MSI2: variants seen among roughly 807,000 people sequenced by gnomAD.
MSI2 encodes RNA-binding protein Musashi homolog 2.
Under a neutral mutation model 45.6 loss-of-function variants are expected in MSI2, and 17 were observed. The observed-to-expected ratio is 0.37, with a 90% CI of 0.26 to 0.56. The LOEUF (loss-of-function observed/expected upper bound fraction) is 0.56. MSI2 is among the 20% of genes least tolerant of loss of function. The pLI, the probability that MSI2 is intolerant of heterozygous loss-of-function variation, is 0.77. For synonymous variants in MSI2, 156 were observed against 158.2 expected (o/e 0.99, Z 0.11); for missense variants, 293 against 444.2 (o/e 0.66, Z 3.06).
intron 6 of MSI2, among the ~76,000 whole-genome samples, chr17:57,505,743 G>T (rs2086214187): frequency 6.6e-6 from 1 of 152,230 alleles, no homozygotes; most frequent in Non-Finnish European, 1.5e-5. Flanking sequence ...GCGGCGGGGG[G>T]TTGTGTATAT....
intron 5 of MSI2, among the ~76,000 whole-genome samples, chr17:57,273,207 G>C (rs1326471072): frequency 1.3e-5 from 2 of 151,988 alleles, no homozygotes; most frequent in Non-Finnish European, 2.9e-5. Context: ...CTTGATTAGG[G>C]GGCCCTTAGG....
chr17:57,269,555 G>T lies in MSI2; in HGVS notation c.312+7363G>T, dbSNP rs533944624. 6.3e-4 allele frequency among the ~76,000 whole-genome samples: 96 copies of T among 152,244 alleles called. No homozygotes were observed. In the Middle Eastern group the frequency reaches 0.014, roughly 22 times the overall value. On this transcript the variant is annotated intron_variant, in intron 5 of 13. Coordinates refer to ENST00000284073, the MANE Select transcript of MSI2 (RefSeq NM_138962.4). ...TTAGCAGATGCCACCTCTACCTTTG[G>T]GGTGTGTGGCTGCTTACAAAGAGCT...
At chr17:57,579,160 A>G (rs2088132263) in intron 7 of MSI2, among the ~76,000 whole-genome samples, 1 of 152,230 alleles carries the variant, frequency 6.6e-6, no homozygotes, top group Non-Finnish European at 1.5e-5. Flanking sequence ...AAAGGATGTA[A>G]TATTTTAGAA....
chr17:57,698,738 T>A, the MSI2 span, among the ~76,000 whole-genome samples: 1 of 152,126 alleles, frequency 6.6e-6, no homozygotes, highest in Non-Finnish European at 1.5e-5. Flanking sequence ...TTCATTTGAA[T>A]GGGTAATACA....
intron 6 of MSI2, among the ~76,000 whole-genome samples, chr17:57,510,068 C>T (rs548834245): frequency 7.2e-5 from 11 of 152,000 alleles, no homozygotes; most frequent in Non-Finnish European, 1.0e-4. Context: ...TATTTGTTGT[C>T]AGTTTGTTCT....
intron 5 of MSI2, among the ~76,000 whole-genome samples, chr17:57,340,498 A>G (rs1915045821): frequency 6.6e-6 from 1 of 152,186 alleles, no homozygotes; most frequent in African/African-American, 2.4e-5. Flanking sequence ...CCTGGAACAA[A>G]GGGTGGGGCA....
At chr17:57,302,079 G>C (rs1712782219) in intron 5 of MSI2, among the ~76,000 whole-genome samples, 1 of 152,144 alleles carries the variant, frequency 6.6e-6, no homozygotes, top group South Asian at 2.1e-4. Context: ...TCACTAACAA[G>C]ATTGAACTTC....
intron 7 of MSI2, among the ~76,000 whole-genome samples, chr17:57,533,465 G>C (rs573018075): frequency 1.3e-5 from 2 of 152,296 alleles, no homozygotes; most frequent in East Asian, 3.9e-4. Context: ...AGCATCTCAG[G>C]TTCTTCCTCT....
chr17:57,541,318 A>G (rs1412616636), intron 7 of MSI2, among the ~76,000 whole-genome samples: 2 of 152,192 alleles, frequency 1.3e-5, no homozygotes, highest in Non-Finnish European at 2.9e-5. Flanking sequence ...TACTCATTAG[A>G]GTGGCGTTTC....
At chr17:57,447,525 C>A (rs906273730) in intron 6 of MSI2, among the ~76,000 whole-genome samples, 1 of 152,144 alleles carries the variant, frequency 6.6e-6, no homozygotes, top group African/African-American at 2.4e-5. Flanking sequence ...ATGAGTACGG[C>A]CCAGCTGACA....
chr17:57,301,098 A>G (rs889618836), intron 5 of MSI2, among the ~76,000 whole-genome samples: 1 of 152,196 alleles, frequency 6.6e-6, no homozygotes, highest in Non-Finnish European at 1.5e-5. Context: ...GTAACAAAAC[A>G]TCCCAGAAGC....
At position 57,327,215 on chromosome 17, in the gene MSI2, A is replaced by G. The variant is rs181936896; in HGVS notation, c.312+65023A>G. Among the ~76,000 whole-genome samples, 129 of 152,314 alleles carry G rather than the reference A, an allele frequency of 8.5e-4. 1 individual carries two copies. The highest frequency in any genetic ancestry group is 1.6e-3 in the Non-Finnish European group (106 of 68,018). On this transcript the variant is annotated intron_variant, in intron 5 of 13. Coordinates refer to ENST00000284073, the MANE Select transcript of MSI2 (RefSeq NM_138962.4). ...CTTGAACCTAGGAGTTTGAGGTTGC[A>G]GCAACCTATGATTGTGCCACTGCAC...
At chr17:57,450,670 CAAAAAAAAAAAA>C (rs58773765) in intron 6 of MSI2, among the ~76,000 whole-genome samples, 137 of 31,978 alleles carry the variant, frequency 4.3e-3, no homozygotes, top group Middle Eastern at 0.029. Flanking sequence ...GACTGCATCT[CAAAAAAAAAAAA>C]AAAAAAAAAA....
At chr17:57,489,208 G>A (rs573116076) in intron 6 of MSI2, among the ~76,000 whole-genome samples, 2 of 152,332 alleles carry the variant, frequency 1.3e-5, no homozygotes, top group South Asian at 4.1e-4. Context: ...ATCTCCAAGA[G>A]TCTCTCCTGC....
chr17:57,627,573 T>A lies in MSI2; in HGVS notation c.727+270T>A. ...ACGGAGGCAGGAGGCCTCCCTGTGC[T>A]CACCTCCTTTTTCTGAAGCCTCTTC... On this transcript the variant is annotated intron_variant, in intron 10 of 13. Coordinates refer to ENST00000284073, the MANE Select transcript of MSI2 (RefSeq NM_138962.4). The surrounding 1 kb of genome is among the most constrained non-coding windows in gnomAD (Gnocchi z 4.6). 1.9e-6 allele frequency: 1 copy of A among 517,772 alleles called. No homozygotes were observed. Among genetic ancestry groups the A allele is most frequent in the Non-Finnish European group, 3.4e-6 (1 of 291,568 alleles). 32.1% of individuals were successfully genotyped at this position (517,772 alleles called of 1,614,324 possible).
chr17:57,670,057 A>T (rs180951052), intron 11 of MSI2, among the ~76,000 whole-genome samples: 16 of 152,316 alleles, frequency 1.1e-4, no homozygotes, highest in Admixed American at 2.0e-4. Context: ...TGTTCCAAGT[A>T]TGTGAACTGA....
chr17:57,292,588 C>G (rs35124025), intron 5 of MSI2, among the ~76,000 whole-genome samples: 14,629 of 152,178 alleles, frequency 0.096, 865 homozygotes, highest in Non-Finnish European at 0.13. Context: ...TGGGGGGTCC[C>G]TCACCTGTGG....
intron 6 of MSI2, among the ~76,000 whole-genome samples, chr17:57,506,010 A>C (rs991183061): frequency 3.3e-5 from 5 of 152,184 alleles, no homozygotes; most frequent in Non-Finnish European, 4.4e-5. Flanking sequence ...TCTCTTTAAA[A>C]CAGAGTTTCA....
chr17:57,457,256 G>A (rs2085133803), intron 6 of MSI2, among the ~76,000 whole-genome samples: 1 of 152,188 alleles, frequency 6.6e-6, no homozygotes, highest in South Asian at 2.1e-4. Context: ...TCTCTGGACA[G>A]AATTGGACTC....
Sources: gnomAD v4.1 joint callset for allele counts (sites outside exome capture counted in the v4.1 genomes callset) on GRCh38, gnomAD v4.1.1 for gene constraint, Gnocchi (gnomAD v3.1) non-coding constraint, MANE v1.5 for transcripts, NCBI Gene and HGNC (gene_info 2026-07-23, HGNC 2026-07-21) for gene names.